The following STEAP4 variants were observed in gnomAD, a reference collection of about 807,000 sequenced individuals.
STEAP4 encodes the protein metalloreductase STEAP4.
Under a neutral mutation model 43.6 loss-of-function variants are expected in STEAP4, and 36 were observed. That is an observed-to-expected ratio of 0.83 (90% confidence interval 0.63 to 1.09). STEAP4 has a LOEUF of 1.09. STEAP4 is among the 50% of genes least tolerant of loss of function. STEAP4 has a pLI of 0.00. For synonymous variants in STEAP4, 191 were observed against 196.7 expected, an observed-to-expected ratio of 0.97 and a Z score of 0.24; for missense variants, 495 against 546.5, an observed-to-expected ratio of 0.91 and a Z score of 0.94.
chr7:88,303,344 A>C (rs1440568200), intron 1 of STEAP4, among the ~76,000 whole-genome samples: 1 of 151,874 alleles, frequency 6.6e-6, no homozygotes, highest in Non-Finnish European at 1.5e-5. Flanking sequence ...AAACATAAAA[A>C]AATTAGCTGG....
rs1382592079 is a variant in STEAP4, at chr7:88,275,600, G to GGGGGGTGTGTGT, written c.*3797_*3798insACACACACCCCC. 15 of 144,960 alleles carry GGGGGGTGTGTGT rather than the reference G, an allele frequency of 1.0e-4. No homozygotes were observed. The highest frequency in any genetic ancestry group is 3.8e-4 in the African/African-American group (15 of 39,158). 9.0% of individuals were successfully genotyped at this position (144,960 alleles called of 1,614,324 possible). A position where few individuals can be genotyped will look rare whatever the true frequency, so the allele number is the denominator to read the frequency against. On this transcript the variant is annotated 3_prime_UTR_variant, in exon 5 of 5. Transcript: ENST00000380079. Reference sequence around the variant, plus strand: ...TAAGGCTATCTGTGGGCTCTCATGGGGTGTGTGTGTGTGTGTGTGTGTGTG... The same window carrying GGGGGGTGTGTGT: ...TAAGGCTATCTGTGGGCTCTCATGGGGGGGGTGTGTGTGTGTGTGTGTGTGTGTGTGTGTGTG...
intron 1 of STEAP4, among the ~76,000 whole-genome samples, chr7:88,302,756 C>T (rs758174275): frequency 6.6e-6 from 1 of 151,752 alleles, no homozygotes; most frequent in Non-Finnish European, 1.5e-5. Context: ...GAGTTGAAGA[C>T]CAGCCTGGCA....
In STEAP4 at chr7:88,284,212, C is replaced by A; in HGVS notation, c.58G>T (p.Glu20Ter). ...PLTMNSSEKQETVCIFGTGDF... is the reference protein window; with the variant it reads ...PLTMNSSEKQ ...CCAGTTCCAAAAATACATACAGTCT[C>A]TTGCTTTTCTGAAGAATTCATAGTA... The change falls in exon 2 of 5, where the codon GAG (glutamate) becomes TAG (stop). Residue 20 changes from glutamate (E) to a stop codon, truncating the protein, a stop_gained. Coordinates refer to ENST00000380079, the MANE Select transcript of STEAP4 (RefSeq NM_024636.4). LOFTEE classifies it high-confidence loss of function. The A allele has an allele frequency of 1.2e-6, 2 of 1,612,574 alleles. No individual in the cohort carries two copies. Among genetic ancestry groups the A allele is most frequent in the Non-Finnish European group, 1.7e-6 (2 of 1,179,062 alleles).
intron 1 of STEAP4, among the ~76,000 whole-genome samples, chr7:88,295,969 C>T (rs891924577): frequency 3.3e-5 from 5 of 151,922 alleles, no homozygotes; most frequent in Admixed American, 2.0e-4. Context: ...TTTTGAGAAC[C>T]GGAGGCAAAA....
intron 1 of STEAP4, among the ~76,000 whole-genome samples, chr7:88,303,688 G>A (rs1853079065): frequency 6.6e-6 from 1 of 152,128 alleles, no homozygotes; most frequent in African/African-American, 2.4e-5. Flanking sequence ...AGAATAGTGT[G>A]TTCTTTTGCA....
intron 1 of STEAP4, among the ~76,000 whole-genome samples, chr7:88,290,682 G>A (rs1156393033): frequency 2.0e-5 from 3 of 152,194 alleles, no homozygotes; most frequent in South Asian, 2.1e-4. Flanking sequence ...CTGACACAAA[G>A]GCACCAAAAT....
At chr7:88,294,424 C>T (rs766963286) in intron 1 of STEAP4, among the ~76,000 whole-genome samples, 9 of 151,682 alleles carry the variant, frequency 5.9e-5, no homozygotes, top group Non-Finnish European at 1.3e-4. Flanking sequence ...AAATCCAAAA[C>T]ATTTCTGGTC....
intron 3 of STEAP4, 51 bp downstream of exon 3, chr7:88,282,590 C>G: frequency 6.7e-7 from 1 of 1,491,080 alleles, no homozygotes; most frequent in East Asian, 2.3e-5. Context: ...TATGATGTAG[C>G]AATAGTCTCT....
intron 1 of STEAP4, among the ~76,000 whole-genome samples, chr7:88,284,756 AT>A: frequency 6.6e-6 from 1 of 152,188 alleles, no homozygotes; most frequent in East Asian, 1.9e-4. Context: ...AAAGATTAAA[AT>A]TTAATTTTAT....
At chr7:88,303,208 A>AAAACAAT (rs1554544064) in intron 1 of STEAP4, among the ~76,000 whole-genome samples, 3 of 144,866 alleles carry the variant, frequency 2.1e-5, no homozygotes, top group Middle Eastern at 3.9e-3. Flanking sequence ...AAAAAAAAAA[A>AAAACAAT]ACTCCAACCG....
chr7:88,286,644 GA>G (rs1202502414), intron 1 of STEAP4, among the ~76,000 whole-genome samples: 3 of 152,086 alleles, frequency 2.0e-5, no homozygotes, highest in African/African-American at 4.8e-5. Context: ...TTGGGAGGTG[GA>G]GATTGTAGTG....
chr7:88,288,868 G>A (rs1300325094), intron 1 of STEAP4, among the ~76,000 whole-genome samples: 1 of 152,042 alleles, frequency 6.6e-6, no homozygotes, highest in Non-Finnish European at 1.5e-5. Context: ...ATACTGTTAT[G>A]AACCATGTGG....
intron 1 of STEAP4, chr7:88,291,038 G>A (rs1002590214): frequency 6.6e-6 from 1 of 151,948 alleles, no homozygotes; most frequent in Admixed American, 6.6e-5. Flanking sequence ...AAGAAAATGG[G>A]TATTTTAAAT....
chr7:88,282,818 T>C lies in STEAP4; in HGVS notation c.807A>G (p.Gln269=). The change falls in exon 3 of 5, where the codon CAA becomes CAG. Residue 269 remains glutamine, a synonymous_variant. Transcript: ENST00000380079. The part of the protein sequence containing the change: ...YLPGVIAAIL[Q]LYRGTKYRRF... ...GACGGTATTTTGTGCCTCGGTACAG[T>C]TGTAGAATGGCAGCAATAACACCAG... 6.2e-7 allele frequency: 1 copy of C among 1,614,144 alleles called. No individual in the cohort carries two copies. Among genetic ancestry groups the C allele is most frequent in the Non-Finnish European group, 8.5e-7 (1 of 1,180,030 alleles).
At position 88,273,851 on chromosome 7, in the gene STEAP4, A is replaced by G. The variant is rs1163401680; in HGVS notation, c.*5547T>C. 6.6e-6 allele frequency: 1 copy of G among 152,200 alleles called. No homozygotes were observed. The highest frequency in any genetic ancestry group is 1.5e-5 in the Non-Finnish European group (1 of 68,034). 9.4% of individuals were successfully genotyped at this position (152,200 alleles called of 1,614,324 possible). A position where few individuals can be genotyped will look rare whatever the true frequency, so the allele number is the denominator to read the frequency against. ...CAATGGAATTGAACTTAATGCGGGA[A>G]CCACAGATCCTGTGTTTCTACAACC... On this transcript the variant is annotated 3_prime_UTR_variant, in exon 5 of 5. Coordinates refer to ENST00000380079, the MANE Select transcript of STEAP4 (RefSeq NM_024636.4).
In STEAP4 at chr7:88,275,600, GGTGTGTGT is replaced by G. The variant is rs35621332; in HGVS notation, c.*3790_*3797del. On this transcript the variant is annotated 3_prime_UTR_variant, in exon 5 of 5. Transcript: ENST00000380079. ...TAAGGCTATCTGTGGGCTCTCATGG[GGTGTGTGT>G]GTGTGTGTGTGTGTGTGTGTGTGTG... 11 of 144,960 alleles carry G rather than the reference GGTGTGTGT, an allele frequency of 7.6e-5. No individual in the cohort carries two copies. Among genetic ancestry groups the G allele is most frequent in the Admixed American group, 2.8e-4 (4 of 14,522 alleles). The allele number at this position is 144,960 out of a possible 1,614,324, so 9.0% of individuals were successfully genotyped here. A position where few individuals can be genotyped will look rare whatever the true frequency, so the allele number is the denominator to read the frequency against.
intron 1 of STEAP4, among the ~76,000 whole-genome samples, chr7:88,285,821 A>C (rs1470953637): frequency 3.9e-5 from 6 of 151,946 alleles, no homozygotes; most frequent in Non-Finnish European, 8.8e-5. Context: ...TTAATGAATA[A>C]GTTTTAAAAA....
At position 88,288,923 on chromosome 7, in the gene STEAP4, G is replaced by A. The variant is rs376104279; in HGVS notation, c.-2-4652C>T. Among the ~76,000 whole-genome samples, 24 of 152,222 alleles carry A rather than the reference G, an allele frequency of 1.6e-4. No individual in the cohort carries two copies. In the East Asian group the frequency reaches 2.7e-3, roughly 17 times the overall value. On this transcript the variant is annotated intron_variant, in intron 1 of 4. Transcript: ENST00000380079. ...AACAAACCAGTTTGTATGATCTCCT[G>A]CAATAATCTAGGTTGTTTTTTATAC...
chr7:88,283,326 T>A, intron 2 of STEAP4, 158 bp from the exon 3 acceptor site: 3 of 813,438 alleles, frequency 3.7e-6, no homozygotes, highest in African/African-American at 1.7e-5. Context: ...CAAGATGTTT[T>A]AAACTTGTAT....
Sources: allele counts gnomAD v4.1 joint callset (sites outside exome capture counted in the v4.1 genomes callset), GRCh38; gene constraint gnomAD v4.1.1; transcripts MANE v1.5; gene names NCBI Gene and HGNC (gene_info 2026-07-23, HGNC 2026-07-21).